Variants in LAMA2 observed in about 807,000 individuals in gnomAD.
The protein encoded by LAMA2 is laminin subunit alpha-2.
LAMA2 carries 269 observed loss-of-function variants against 364.8 expected under a neutral mutation model. The observed-to-expected ratio is 0.74, with a 90% CI of 0.67 to 0.82. The LOEUF is 0.82. LAMA2 is among the 40% of genes least tolerant of loss of function. The pLI, the probability that LAMA2 is intolerant of heterozygous loss-of-function variation, is 0.00. For missense variants in LAMA2, 3,807 were observed against 3,873.2 expected, an observed-to-expected ratio of 0.98 and a Z score of 0.45; for synonymous variants, 1,379 against 1,370.6, an observed-to-expected ratio of 1.01 and a Z score of -0.14.
chr6:129,088,204 G>A (rs1213674891), intron 3 of LAMA2, among the ~76,000 whole-genome samples: 4 of 150,354 alleles, frequency 2.7e-5, no homozygotes, highest in Non-Finnish European at 5.9e-5. Context: ...GAGAGCACGG[G>A]GTTGGGAGTA....
In LAMA2 at chr6:129,263,461, A is replaced by G. The variant is rs1349081247; in HGVS notation, c.2208+2639A>G. On this transcript the variant is annotated intron_variant, in intron 15 of 64. Coordinates refer to ENST00000421865, the MANE Select transcript of LAMA2 (RefSeq NM_000426.4). ...GGCTTCCTGAGGTGGTGACAGCTAA[A>G]TCGAGTGTTGAAGAATGAGAGGGAC... Among the ~76,000 whole-genome samples the G allele has an allele frequency of 3.3e-5, 5 of 152,164 alleles. No individual in the cohort carries two copies. The South Asian group carries it at 8.3e-4, about 25-fold the overall frequency.
intron 18 of LAMA2, among the ~76,000 whole-genome samples, chr6:129,284,908 A>G (rs150194125): frequency 1.0e-3 from 159 of 152,260 alleles, no homozygotes; most frequent in African/African-American, 3.5e-3. Context: ...AAAAGTTAAC[A>G]GATGTGGAAA....
At chr6:129,331,118 C>T (rs1419883381) in intron 29 of LAMA2, among the ~76,000 whole-genome samples, 1 of 152,042 alleles carries the variant, frequency 6.6e-6, no homozygotes, top group East Asian at 1.9e-4. Flanking sequence ...ATCCATGATT[C>T]GCCTCCTTCG....
At position 128,961,227 on chromosome 6, in the gene LAMA2, C is replaced by G. The variant is rs1781469090; in HGVS notation, c.112+77870C>G. Among the ~76,000 whole-genome samples the G allele has an allele frequency of 2.0e-5, 3 of 147,664 alleles. No homozygotes were observed. The South Asian group carries it at 6.6e-4, about 32-fold the overall frequency. On this transcript the variant is annotated intron_variant, in intron 1 of 64. Coordinates refer to ENST00000421865, the MANE Select transcript of LAMA2 (RefSeq NM_000426.4). ...TTAGTATGAATTCTTATCCTCACCC[C>G]TCATCCTTCACTGCATGGTAATTGG...
At chr6:129,495,628 A>C (rs1785130372) in intron 58 of LAMA2, among the ~76,000 whole-genome samples, 1 of 152,184 alleles carries the variant, frequency 6.6e-6, no homozygotes, top group Admixed American at 6.5e-5. Context: ...CAGGTCTCTC[A>C]GCCTGTGCTG....
intron 1 of LAMA2, among the ~76,000 whole-genome samples, chr6:128,983,027 G>C (rs1352410321): frequency 2.0e-5 from 3 of 151,038 alleles, no homozygotes; most frequent in Admixed American, 1.3e-4. Flanking sequence ...GTACATTTGG[G>C]TTGGTTCCAA....
At chr6:129,210,775 CAAAAT>C (rs1213975641) in intron 12 of LAMA2, among the ~76,000 whole-genome samples, 1 of 152,090 alleles carries the variant, frequency 6.6e-6, no homozygotes, top group Non-Finnish European at 1.5e-5. Flanking sequence ...CAAAAACAAA[CAAAAT>C]AAAGGATTCA....
At chr6:128,992,977 A>C (rs140392094) in intron 1 of LAMA2, among the ~76,000 whole-genome samples, 34 of 152,312 alleles carry the variant, frequency 2.2e-4, no homozygotes, top group African/African-American at 7.5e-4. Flanking sequence ...AAATAGCTGC[A>C]TCTTTTAAGT....
chr6:129,304,004 C>T (rs960253205), intron 22 of LAMA2, among the ~76,000 whole-genome samples: 2 of 151,810 alleles, frequency 1.3e-5, no homozygotes, highest in African/African-American at 2.4e-5. Context: ...TTAGAGGAAC[C>T]CAAAAGCTCA....
At position 129,315,956 on chromosome 6, in the gene LAMA2, G is replaced by T; in HGVS notation, c.3924+6G>T. 2 of 1,613,966 alleles carry T rather than the reference G, an allele frequency of 1.2e-6. No homozygotes were observed. Among genetic ancestry groups the T allele is most frequent in the Non-Finnish European group, 1.7e-6 (2 of 1,179,924 alleles). On this transcript the variant is annotated splice_donor_region_variant and intron_variant, in intron 26 of 64. Transcript: ENST00000421865. ...ATGAAATTGAAATGACAGAGGTAAA[G>T]TTAGTCATTGTTTGGTGCAAAGATA...
At chr6:129,210,939 C>T (rs1377593506) in intron 12 of LAMA2, among the ~76,000 whole-genome samples, 2 of 151,990 alleles carry the variant, frequency 1.3e-5, no homozygotes, top group Non-Finnish European at 2.9e-5. Context: ...GGCCAGTAGG[C>T]CTGGTTTCTG....
At chr6:129,321,559 A>C (rs1056868329) in intron 28 of LAMA2, among the ~76,000 whole-genome samples, 1 of 152,180 alleles carries the variant, frequency 6.6e-6, no homozygotes, top group Admixed American at 6.5e-5. Context: ...ACAGCATACC[A>C]GTTAGATATT....
chr6:129,171,242 G>T (rs527268996), intron 9 of LAMA2, among the ~76,000 whole-genome samples: 1 of 152,084 alleles, frequency 6.6e-6, no homozygotes, highest in East Asian at 1.9e-4. Context: ...TATTTTGCTC[G>T]TTAGTTGATG....
chr6:129,218,774 G>C (rs190138467), intron 12 of LAMA2, among the ~76,000 whole-genome samples: 92 of 152,134 alleles, frequency 6.0e-4, no homozygotes, highest in African/African-American at 2.1e-3. Flanking sequence ...TTTTCTATAT[G>C]TTATATTGAA....
intron 3 of LAMA2, among the ~76,000 whole-genome samples, chr6:129,084,044 G>C (rs4897301): frequency 6.6e-6 from 1 of 152,010 alleles, no homozygotes; most frequent in Admixed American, 6.6e-5. Flanking sequence ...GGCACAATAA[G>C]CAATGTGTTG....
chr6:129,476,886 CG>C (rs1458618483), intron 53 of LAMA2, among the ~76,000 whole-genome samples: 3 of 152,082 alleles, frequency 2.0e-5, no homozygotes, highest in Non-Finnish European at 4.4e-5. Flanking sequence ...GAAAGGAGTG[CG>C]GGGGTGGAAA....
chr6:129,394,845 C>T (rs1779518636), intron 37 of LAMA2, among the ~76,000 whole-genome samples: 1 of 152,040 alleles, frequency 6.6e-6, no homozygotes, highest in South Asian at 2.1e-4. Context: ...TCTTGGGCAC[C>T]CCTACAAATA....
Position 128,929,382 on chromosome 6 carries a change from G to T in LAMA2, c.112+46025G>T, listed in dbSNP as rs1265157213. The T allele has an allele frequency of 3.1e-6, 3 of 967,632 alleles. No individual in the cohort carries two copies. In the African/African-American group the frequency reaches 4.8e-5, roughly 16 times the overall value. 59.9% of individuals were successfully genotyped at this position (967,632 alleles called of 1,614,324 possible). On this transcript the variant is annotated intron_variant, in intron 1 of 64. Coordinates refer to ENST00000421865, the MANE Select transcript of LAMA2 (RefSeq NM_000426.4). The stretch of plus-strand genomic sequence containing the variant: ...CGAGAGAATACAAAGAAGTTCATCA[G>T]TCATGTGAGGATGAGTGATAGCACA...
chr6:128,904,450 TTC>T lies in LAMA2; in HGVS notation c.112+21095_112+21096del, dbSNP rs372796391. 1.0e-4 allele frequency among the ~76,000 whole-genome samples: 15 copies of T among 145,650 alleles called. 1 individual carries two copies. Among genetic ancestry groups the T allele is most frequent in the African/African-American group, 3.7e-4 (14 of 37,980 alleles). On this transcript the variant is annotated intron_variant, in intron 1 of 64. Transcript: ENST00000421865. ...TGCTGAGTTTCTTTATTTTTTTCCT[TTC>T]TTTTTTTTTTTTTTTTTTTTAAGAT...
Sources: gnomAD v4.1 joint callset for allele counts (sites outside exome capture counted in the v4.1 genomes callset) on GRCh38, gnomAD v4.1.1 for gene constraint, MANE v1.5 for transcripts, NCBI Gene and HGNC (gene_info 2026-07-23, HGNC 2026-07-21) for gene names.